The following PRELID2 variants were observed in gnomAD, a reference collection of about 807,000 sequenced individuals.
PRELID2 encodes the protein PRELI domain-containing protein 2.
In PRELID2, 25 loss-of-function variants were observed where a neutral mutation model predicts 28.4. The observed-to-expected ratio is 0.88, with a 90% CI of 0.64 to 1.23. The LOEUF (loss-of-function observed/expected upper bound fraction) is 1.23. PRELID2 is among the 50% of genes most tolerant of loss of function. The pLI, the probability that PRELID2 is intolerant of heterozygous loss-of-function variation, is 0.00. For synonymous variants in PRELID2, 76 were observed against 71.6 expected (o/e 1.06, Z -0.31); for missense variants, 201 against 214.4 (o/e 0.94, Z 0.39).
At chr5:145,733,299 C>T (rs1294662705) in intron 1 of PRELID2, among the ~76,000 whole-genome samples, 1 of 151,934 alleles carries the variant, frequency 6.6e-6, no homozygotes, top group Non-Finnish European at 1.5e-5. Flanking sequence ...CAAGACTCCA[C>T]CTAACACGTG....
the PRELID2 span, among the ~76,000 whole-genome samples, chr5:145,390,256 T>A: frequency 1.3e-5 from 2 of 152,146 alleles, no homozygotes; most frequent in South Asian, 4.1e-4. Flanking sequence ...AAGAACAAAA[T>A]TTACATAGGC....
At chr5:145,300,358 T>G in the PRELID2 span, among the ~76,000 whole-genome samples, 5 of 152,158 alleles carry the variant, frequency 3.3e-5, no homozygotes. Flanking sequence ...ATCTGAATTC[T>G]ACAGGGGCTC....
In PRELID2 at chr5:145,750,790, G is replaced by T. The variant is rs920157295; in HGVS notation, n.70+14141C>A. On this transcript the variant is annotated intron_variant and non_coding_transcript_variant, in intron 1 of 2. Coordinates refer to the PRELID2 transcript ENST00000510259. ...CAGAAAAGAGGTGTTATTGGAAATG[G>T]TAAGAGCATCACTAAAGCAGAACCA... Among the ~76,000 whole-genome samples the T allele has an allele frequency of 3.9e-5, 6 of 152,298 alleles. No individual in the cohort carries two copies. The South Asian group carries it at 6.2e-4, about 16-fold the overall frequency.
At chr5:145,576,842 T>C (rs1384722780) in intron 1 of PRELID2, among the ~76,000 whole-genome samples, 1 of 152,138 alleles carries the variant, frequency 6.6e-6, no homozygotes, top group East Asian at 1.9e-4. Flanking sequence ...AAAATAGTAA[T>C]GTTTGAGTTG....
At chr5:145,380,476 CA>C in the PRELID2 span, among the ~76,000 whole-genome samples, 4 of 152,180 alleles carry the variant, frequency 2.6e-5, no homozygotes, top group South Asian at 8.3e-4. Context: ...TAAATGCCCC[CA>C]TGTGGCATGA....
the PRELID2 span, chr5:145,450,645 G>A: frequency 6.6e-6 from 1 of 152,144 alleles, no homozygotes; most frequent in South Asian, 2.1e-4. Flanking sequence ...TTTACTGTTT[G>A]TTTTTTCAGA....
intron 4 of PRELID2, among the ~76,000 whole-genome samples, chr5:145,801,443 T>C (rs552041880): frequency 1.3e-5 from 2 of 152,288 alleles, no homozygotes; most frequent in African/African-American, 4.8e-5. Flanking sequence ...CAAGTTTTCC[T>C]TCACCTGTCT....
At chr5:145,374,199 A>C in the PRELID2 span, among the ~76,000 whole-genome samples, 7 of 151,734 alleles carry the variant, frequency 4.6e-5, no homozygotes, top group African/African-American at 1.5e-4. Flanking sequence ...ATCCCTCAGC[A>C]TTTGCTTGTC....
At chr5:145,631,800 T>G (rs909252228) in intron 1 of PRELID2, among the ~76,000 whole-genome samples, 1 of 152,226 alleles carries the variant, frequency 6.6e-6, no homozygotes, top group Non-Finnish European at 1.5e-5. Flanking sequence ...ACCCATTTTG[T>G]GTACATATTC....
At chr5:145,804,876 A>G (rs1287292351) in intron 4 of PRELID2, among the ~76,000 whole-genome samples, 1 of 152,144 alleles carries the variant, frequency 6.6e-6, no homozygotes. Flanking sequence ...GCTTAGGTGG[A>G]GGCTTGTCTT....
At chr5:145,667,648 C>T (rs1443431401) in intron 1 of PRELID2, among the ~76,000 whole-genome samples, 1 of 152,062 alleles carries the variant, frequency 6.6e-6, no homozygotes, top group Non-Finnish European at 1.5e-5. Context: ...TCCAGTATGG[C>T]TTGGGAGTAA....
At chr5:145,577,538 C>A (rs1422437152) in intron 1 of PRELID2, among the ~76,000 whole-genome samples, 3 of 151,592 alleles carry the variant, frequency 2.0e-5, no homozygotes, top group Non-Finnish European at 2.9e-5. Flanking sequence ...AGACAGTTTA[C>A]TTGAAAATAC....
rs138301004 is a variant in PRELID2 at position 145,699,046 on chromosome 5, G to A, written n.70+65885C>T. Among the ~76,000 whole-genome samples the A allele has an allele frequency of 2.1e-3, 319 of 152,210 alleles. 1 individual carries two copies. Among genetic ancestry groups the A allele is most frequent in the South Asian group, 3.7e-3 (18 of 4,826 alleles). ...CTGGCCAGCCTCACCTCTTTATACCGTCATCACCTTGGGGTTTAGCAATTC... is the reference window on the plus strand; with the variant it reads ...CTGGCCAGCCTCACCTCTTTATACCATCATCACCTTGGGGTTTAGCAATTC... On this transcript the variant is annotated intron_variant and non_coding_transcript_variant, in intron 1 of 2. Transcript: ENST00000510259.
intron 2 of PRELID2, among the ~76,000 whole-genome samples, chr5:145,820,263 T>C (rs560938369): frequency 5.2e-4 from 79 of 152,126 alleles, no homozygotes; most frequent in South Asian, 4.0e-3. Flanking sequence ...AATTTTCTAT[T>C]TGCAAGATTC....
the PRELID2 span, among the ~76,000 whole-genome samples, chr5:145,407,046 T>C: frequency 6.6e-6 from 1 of 152,168 alleles, no homozygotes; most frequent in Admixed American, 6.5e-5. Flanking sequence ...CTAAACTTTG[T>C]AATAATTTTG....
intron 4 of PRELID2, among the ~76,000 whole-genome samples, chr5:145,798,689 A>G (rs2149821795): frequency 6.6e-6 from 1 of 152,362 alleles, no homozygotes; most frequent in East Asian, 1.9e-4. Context: ...AATAGTATGC[A>G]GCCATAACAA....
intron 5 of PRELID2, chr5:145,795,525 A>G (rs1752678767): frequency 6.6e-6 from 1 of 152,088 alleles, no homozygotes; most frequent in South Asian, 2.1e-4. Context: ...AAAAATGAAA[A>G]CAAGGGTCCA....
the PRELID2 span, among the ~76,000 whole-genome samples, chr5:145,313,915 G>T: frequency 6.6e-6 from 1 of 152,166 alleles, no homozygotes; most frequent in African/African-American, 2.4e-5. Flanking sequence ...GCAGAGAAAA[G>T]AATCTATGAA....
intron 5 of PRELID2, among the ~76,000 whole-genome samples, chr5:145,770,559 C>G (rs1187352473): frequency 1.3e-5 from 2 of 152,042 alleles, no homozygotes; most frequent in Non-Finnish European, 2.9e-5. Context: ...AGGAGGTATA[C>G]CAGAAGAAGG....
Sources: allele counts gnomAD v4.1 joint callset (sites outside exome capture counted in the v4.1 genomes callset), GRCh38; gene constraint gnomAD v4.1.1; transcripts MANE v1.5; gene names NCBI Gene and HGNC (gene_info 2026-07-23, HGNC 2026-07-21).